The following HMG20A variants were observed in gnomAD, a reference collection of about 807,000 sequenced individuals.
HMG20A encodes the protein high mobility group 20A, also known as high mobility group protein 20A.
A neutral mutation model predicts 43.9 loss-of-function variants in HMG20A; 17 were observed. The observed-to-expected ratio is 0.39, with a 90% CI of 0.27 to 0.58. HMG20A has a LOEUF of 0.58. Ranked by LOEUF, HMG20A falls within the 20% of genes least tolerant of loss-of-function variation. The pLI is 0.59. For missense variants in HMG20A, 341 were observed against 438.2 expected (o/e 0.78, Z 1.98); for synonymous variants, 132 against 147.5 (o/e 0.89, Z 0.76).
chr15:77,509,341 T>C, the HMG20A span, among the ~76,000 whole-genome samples: 83 of 151,920 alleles, frequency 5.5e-4, no homozygotes, highest in African/African-American at 1.9e-3. Context: ...GCAGCCTCGA[T>C]CTCTCTGGGC....
intron 1 of HMG20A, among the ~76,000 whole-genome samples, chr15:77,449,256 C>T (rs150971494): frequency 1.0e-3 from 159 of 152,048 alleles, no homozygotes; most frequent in Middle Eastern, 3.4e-3. Flanking sequence ...CCCCTAAAAC[C>T]TAAGTACTTA....
At chr15:77,441,444 A>T (rs1442692705) in intron 1 of HMG20A, among the ~76,000 whole-genome samples, 1 of 152,182 alleles carries the variant, frequency 6.6e-6, no homozygotes, top group Non-Finnish European at 1.5e-5. Context: ...ATATAATTAA[A>T]TATACTGTTT....
At chr15:77,514,849 G>A in the HMG20A span, among the ~76,000 whole-genome samples, 1 of 152,222 alleles carries the variant, frequency 6.6e-6, no homozygotes, top group Non-Finnish European at 1.5e-5. Context: ...TGTGGTCCCA[G>A]CTCGGGGTGG....
intron 1 of HMG20A, among the ~76,000 whole-genome samples, chr15:77,452,222 C>T (rs2072609595): frequency 6.6e-6 from 1 of 152,178 alleles, no homozygotes; most frequent in Non-Finnish European, 1.5e-5. Context: ...TGTATTTGCT[C>T]ATCAAATGCA....
chr15:77,449,065 T>C (rs1273442278), intron 1 of HMG20A, among the ~76,000 whole-genome samples: 1 of 151,762 alleles, frequency 6.6e-6, no homozygotes, highest in Non-Finnish European at 1.5e-5. Flanking sequence ...AATAAATAAA[T>C]AATAAAATAA....
At chr15:77,519,521 C>T in the HMG20A span, among the ~76,000 whole-genome samples, 1 of 152,116 alleles carries the variant, frequency 6.6e-6, no homozygotes, top group African/African-American at 2.4e-5. Flanking sequence ...GAAGGCTCTG[C>T]CCTTATGAAT....
chr15:77,511,635 C>T, the HMG20A span, among the ~76,000 whole-genome samples: 2 of 152,162 alleles, frequency 1.3e-5, no homozygotes, highest in Non-Finnish European at 2.9e-5. Flanking sequence ...AGAAGATATA[C>T]AAATGGCTGA....
rs111399960 is a variant in HMG20A at position 77,430,656 on chromosome 15, G to T, written c.-5+9652G>T. On this transcript the variant is annotated intron_variant, in intron 1 of 9. Transcript: ENST00000336216. ...GAGCAGACAAAACTTGGATTTTAGA[G>T]ATCTCCAGGTAGCTAGTTCTTGGGT... is the stretch of plus-strand genomic sequence containing the variant. 8.5e-3 allele frequency among the ~76,000 whole-genome samples: 1,293 copies of T among 152,324 alleles called. 20 individuals are homozygous for T. Among genetic ancestry groups the T allele is most frequent in the African/African-American group, 0.03 (1,234 of 41,568 alleles).
At chr15:77,471,456 C>G (rs2072807650) in intron 5 of HMG20A, among the ~76,000 whole-genome samples, 3 of 152,194 alleles carry the variant, frequency 2.0e-5, no homozygotes, top group African/African-American at 7.2e-5. Context: ...TGCATCTTCT[C>G]TATACTTGGG....
intron 6 of HMG20A, among the ~76,000 whole-genome samples, chr15:77,476,707 T>C (rs779983276): frequency 2.6e-5 from 4 of 152,174 alleles, no homozygotes; most frequent in Admixed American, 6.5e-5. Context: ...TTTTGAACAT[T>C]ATGCCAACAC....
chr15:77,458,414 A>T lies in HMG20A; in HGVS notation c.7A>T (p.Asn3Tyr), dbSNP rs375032653. The T allele has an allele frequency of 4.8e-5, 77 of 1,611,776 alleles. No homozygotes were observed. Among genetic ancestry groups the T allele is most frequent in the Non-Finnish European group, 6.2e-5 (73 of 1,178,352 alleles). MENLMTSSTLPPL... is the reference protein window; with the variant it reads MEYLMTSSTLPPL... The stretch of plus-strand genomic sequence containing the variant: ...CTCTTTTCCTTTCAGAGAGATGGAA[A>T]ACTTGATGACTAGCTCCACCCTACC... The change falls in exon 2 of 10, where the codon AAC (asparagine) becomes TAC (tyrosine). Residue 3 changes from asparagine to tyrosine, a missense_variant. Around this residue, in one of 3 missense-constraint regions of HMG20A, gnomAD observed 220 missense variants for 263.6 expected, o/e 0.83. Transcript: ENST00000336216.
rs143097381 is a variant in HMG20A at position 77,479,206 on chromosome 15, C to G, written c.935C>G (p.Thr312Ser). Residue 312 changes from threonine (T) to serine (S), a missense_variant, in exon 9 of 10, where the codon ACC becomes AGC. Physicochemically the swap from Thr to Ser is moderately conservative, Grantham distance 58. Around this residue, in one of 3 missense-constraint regions of HMG20A, gnomAD observed 118 missense variants for 154.5 expected, o/e 0.76. Transcript: ENST00000336216. Reference sequence around the variant, plus strand: ...AGTGGAGAGACACCTACAGTGGACACCATTGACTCATATATGAACAGACTG... The same window carrying G: ...AGTGGAGAGACACCTACAGTGGACAGCATTGACTCATATATGAACAGACTG... ...PGSGETPTVD[T>S]IDSYMNRLHS... 4 of 1,613,656 alleles carry G rather than the reference C, an allele frequency of 2.5e-6. No homozygotes were observed. The highest frequency in any genetic ancestry group is 3.4e-6 in the Non-Finnish European group (4 of 1,179,672).
chr15:77,452,773 C>T (rs1431672506), intron 1 of HMG20A, among the ~76,000 whole-genome samples: 1 of 151,824 alleles, frequency 6.6e-6, no homozygotes, highest in Admixed American at 6.6e-5. Context: ...AAGTTAAAAA[C>T]GTTTGTATTT....
intron 1 of HMG20A, among the ~76,000 whole-genome samples, chr15:77,433,689 TCAAA>T (rs143431035): frequency 0.023 from 3,447 of 152,208 alleles, 106 homozygotes; most frequent in African/African-American, 0.072. Flanking sequence ...TACAATAGAA[TCAAA>T]CAAATCAAAT....
chr15:77,492,459 T>C, the HMG20A span, among the ~76,000 whole-genome samples: 2 of 152,170 alleles, frequency 1.3e-5, no homozygotes, highest in African/African-American at 4.8e-5. Context: ...TTAGCATAAA[T>C]ACTCTTGAAT....
the HMG20A span, among the ~76,000 whole-genome samples, chr15:77,517,807 C>T: frequency 6.6e-6 from 1 of 152,036 alleles, no homozygotes; most frequent in East Asian, 1.9e-4. Context: ...GGAGACACTT[C>T]GCATACACTG....
the HMG20A span, among the ~76,000 whole-genome samples, chr15:77,516,679 C>T: frequency 3.3e-5 from 5 of 152,052 alleles, no homozygotes; most frequent in Non-Finnish European, 7.4e-5. Flanking sequence ...GGGCACTGAA[C>T]TCCACCCCGA....
chr15:77,439,861 C>T (rs1238481343), intron 1 of HMG20A, among the ~76,000 whole-genome samples: 1 of 152,134 alleles, frequency 6.6e-6, no homozygotes, highest in Non-Finnish European at 1.5e-5. Context: ...CAGAGAATTT[C>T]AGTTCCTCTC....
the HMG20A span, among the ~76,000 whole-genome samples, chr15:77,513,766 G>T: frequency 6.8e-6 from 1 of 146,102 alleles, no homozygotes; most frequent in South Asian, 2.1e-4. Context: ...TCGCTCTGTC[G>T]CCAGGCTGGA....
Sources: allele counts gnomAD v4.1 joint callset (sites outside exome capture counted in the v4.1 genomes callset), GRCh38; gene constraint gnomAD v4.1.1; regional missense constraint gnomAD v4.1.1; transcripts MANE v1.5; gene names NCBI Gene and HGNC (gene_info 2026-07-23, HGNC 2026-07-21).